The following GPSM1 variants were observed in gnomAD, a reference collection of about 807,000 sequenced individuals.
The protein encoded by GPSM1 is G protein-signaling modulator 1.
In GPSM1, 48 loss-of-function variants were observed where a neutral mutation model predicts 70.5. That is an observed-to-expected ratio of 0.68 (90% CI 0.54 to 0.87). The LOEUF is 0.87. GPSM1 is among the 40% of genes least tolerant of loss of function. GPSM1 has a pLI of 0.00. For synonymous variants in GPSM1, 416 were observed against 430.1 expected, an observed-to-expected ratio of 0.97 and a Z score of 0.41; for missense variants, 981 against 972.6, an observed-to-expected ratio of 1.01 and a Z score of -0.11.
chr9:136,356,081 G>C (rs1554773071), intron 12 of GPSM1, among the ~76,000 whole-genome samples: 2 of 152,138 alleles, frequency 1.3e-5, no homozygotes, highest in Non-Finnish European at 2.9e-5. Context: ...CAGGGAGGGG[G>C]CAGGGCGTGG....
At chr9:136,350,676 C>A (rs1430048487) in intron 11 of GPSM1, among the ~76,000 whole-genome samples, 1 of 152,218 alleles carries the variant, frequency 6.6e-6, no homozygotes, top group Non-Finnish European at 1.5e-5. Flanking sequence ...CCCCACCCTG[C>A]CCTACCCCAC....
chr9:136,329,293 T>C (rs1327794624), intron 1 of GPSM1, among the ~76,000 whole-genome samples: 1 of 141,422 alleles, frequency 7.1e-6, no homozygotes, highest in Admixed American at 7.4e-5. Flanking sequence ...TGTGACGAGG[T>C]CCCCCCGGGA....
intron 11 of GPSM1, chr9:136,354,845 C>A (rs1333603846): frequency 3.0e-6 from 3 of 1,000,422 alleles, no homozygotes; most frequent in Non-Finnish European, 3.6e-6. Context: ...CATGGCAGGG[C>A]TGACACAGGG....
At chr9:136,339,965 G>GGCCCCCCTCATCCT in intron 8 of GPSM1, 150 bp downstream of exon 8, 3 of 620,712 alleles carry the variant, frequency 4.8e-6, no homozygotes, top group Non-Finnish European at 8.7e-6. Flanking sequence ...CCGAGGCCTG[G>GGCCCCCCTCATCCT]TGATGACATG....
chr9:136,351,138 T>C (rs1832651462), intron 11 of GPSM1, among the ~76,000 whole-genome samples: 1 of 152,148 alleles, frequency 6.6e-6, no homozygotes, highest in African/African-American at 2.4e-5. Context: ...TGGGCTGGGA[T>C]TCGCAGCCCC....
chr9:136,355,568 G>A (rs532224228), intron 11 of GPSM1, 122 bp from the exon 12 acceptor site: 32 of 888,454 alleles, frequency 3.6e-5, no homozygotes, highest in Non-Finnish European at 1.7e-5. Context: ...ACAGGGGGCA[G>A]GTTAGAGTCC....
At position 136,327,756 on chromosome 9, in the gene GPSM1, T is replaced by C. The variant is rs1554768064; in HGVS notation, c.61T>C (p.Tyr21His). The change falls in exon 1 of 14, where the codon TAC becomes CAC. Residue 21 changes from tyrosine (Y) to histidine (H), a missense_variant. Transcript: ENST00000440944. ...CCCGGGCCCGGCCGCCAGGCGCCTC[T>C]ACTCCAGGTAGGACGGGCCGGGGCC... ...ELPGPAARRL[Y>H]SRMEASCLEL... 2 of 1,179,028 alleles carry C rather than the reference T, an allele frequency of 1.7e-6. No individual in the cohort carries two copies. Among genetic ancestry groups the C allele is most frequent in the South Asian group, 4.0e-5 (1 of 25,232 alleles). 73.0% of individuals were successfully genotyped at this position (1,179,028 alleles called of 1,614,324 possible). A position where few individuals can be genotyped will look rare whatever the true frequency, so the allele number is the denominator to read the frequency against.
chr9:136,333,436 G>A (rs536721976), intron 1 of GPSM1, among the ~76,000 whole-genome samples: 50 of 151,898 alleles, frequency 3.3e-4, no homozygotes, highest in African/African-American at 1.0e-3. Flanking sequence ...ACTCCTCCCC[G>A]GCAGCTGAGT....
rs962112287 is a variant in GPSM1, at chr9:136,341,882, C to T, written c.1207+889C>T. 6.0e-5 allele frequency: 37 copies of T among 621,806 alleles called. No homozygotes were observed. Among genetic ancestry groups the T allele is most frequent in the Admixed American group, 1.9e-4 (3 of 15,860 alleles). 38.5% of individuals were successfully genotyped at this position (621,806 alleles called of 1,614,324 possible). ...CCCAGGCCAGTGTCAAACTCCCAGCCTCAAGCGATCCTCCCATCTCGGCTT... is the reference window on the plus strand; with the variant it reads ...CCCAGGCCAGTGTCAAACTCCCAGCTTCAAGCGATCCTCCCATCTCGGCTT... On this transcript the variant is annotated intron_variant, in intron 9 of 13. Transcript: ENST00000440944. This position sits in a 1 kb window ranked among gnomAD's most constrained non-coding sequence, Gnocchi z 6.7.
chr9:136,338,603 G>T lies in GPSM1; in HGVS notation c.867G>T (p.Ala289=). ...SRQLRDQAVE[A]QACYSLGNTY... ...AGCTCAGGGACCAGGCAGTGGAGGC[G>T]CAGGCCTGCTACAGTCTGGGCAACA... The change falls in exon 7 of 14, where the codon GCG becomes GCT. Residue 289 remains alanine, a synonymous_variant. Coordinates refer to ENST00000440944, the MANE Select transcript of GPSM1 (RefSeq NM_001145638.3). 1.2e-6 allele frequency: 2 copies of T among 1,610,598 alleles called. No individual in the cohort carries two copies. Among genetic ancestry groups the T allele is most frequent in the South Asian group, 1.1e-5 (1 of 90,548 alleles).
At chr9:136,334,882 TG>T (rs1832195632) in intron 2 of GPSM1, among the ~76,000 whole-genome samples, 1 of 150,398 alleles carries the variant, frequency 6.6e-6, no homozygotes, top group Admixed American at 6.6e-5. Context: ...GGCGGGTGAG[TG>T]GGGGTGGCCC....
rs1554770249 is a variant in GPSM1, at chr9:136,341,180, C to T, written c.1207+187C>T. 6.5e-7 allele frequency: 1 copy of T among 1,547,248 alleles called. No homozygotes were observed. The highest frequency in any genetic ancestry group is 2.0e-5 in the Admixed American group (1 of 50,568). Reference sequence around the variant, plus strand: ...GCCTGAGGTTCACCCTGAGCCCTTCCCACCCGCATCCTGAGTGGCGCTGCA... The same window carrying T: ...GCCTGAGGTTCACCCTGAGCCCTTCTCACCCGCATCCTGAGTGGCGCTGCA... On this transcript the variant is annotated intron_variant, in intron 9 of 13. Coordinates refer to ENST00000440944, the MANE Select transcript of GPSM1 (RefSeq NM_001145638.3). This position sits in a 1 kb window ranked among gnomAD's most constrained non-coding sequence, Gnocchi z 6.7.
In GPSM1 at chr9:136,349,628, G is replaced by T. The variant is rs782485289; in HGVS notation, c.1320G>T (p.Gly440=). 6 of 1,550,008 alleles carry T rather than the reference G, an allele frequency of 3.9e-6. No homozygotes were observed. The highest frequency in any genetic ancestry group is 1.7e-4 in the Middle Eastern group (1 of 5,986). ...GCCACCATTCAGGGGACTGGCGGGG[G>T]CCCAGCAGGGACTCGCTACCCCTCC... ...GDSHHSGDWR[G]PSRDSLPLPV... is the part of the protein sequence containing the mutation. The change falls in exon 11 of 14, where the codon GGG becomes GGT. Residue 440 remains glycine, a synonymous_variant. Transcript: ENST00000440944.
intron 11 of GPSM1, chr9:136,354,970 G>T: frequency 4.7e-6 from 5 of 1,060,970 alleles, no homozygotes; most frequent in Non-Finnish European, 5.7e-6. Context: ...GGCCTGGACT[G>T]GGGTAGCACC....
chr9:136,356,773 C>G (rs782739363), intron 13 of GPSM1, among the ~76,000 whole-genome samples: 6 of 152,296 alleles, frequency 3.9e-5, no homozygotes, highest in Non-Finnish European at 7.4e-5. Flanking sequence ...ACCAGAGACC[C>G]CCCCTGGCAA....
intron 9 of GPSM1, among the ~76,000 whole-genome samples, chr9:136,345,858 G>A (rs1588700618): frequency 6.6e-6 from 1 of 152,204 alleles, no homozygotes; most frequent in African/African-American, 2.4e-5. Context: ...TCTGGGTGGG[G>A]GTGGGCAGCT....
At position 136,348,771 on chromosome 9, in the gene GPSM1, A is replaced by G; in HGVS notation, c.1278+4A>G. 6.2e-7 allele frequency: 1 copy of G among 1,607,096 alleles called. No individual in the cohort carries two copies. Among genetic ancestry groups the G allele is most frequent in the Non-Finnish European group, 8.5e-7 (1 of 1,175,224 alleles). On this transcript the variant is annotated splice_donor_region_variant and intron_variant, in intron 10 of 13. Transcript: ENST00000440944. The stretch of plus-strand genomic sequence containing the variant: ...GCTGAGACTCCCCCTGGAGCGGGTG[A>G]GCCAGGGACACGGGACCGATGTCAG...
intron 12 of GPSM1, 75 bp downstream of exon 12, chr9:136,355,921 C>G (rs1832806428): frequency 1.5e-6 from 2 of 1,304,464 alleles, no homozygotes; most frequent in African/African-American, 1.5e-5. Flanking sequence ...CGTCCTGCTT[C>G]CAGTGAGGAG....
rs1222082577 is a variant in GPSM1 at position 136,358,276 on chromosome 9, C to A, written c.*56C>A. On this transcript the variant is annotated 3_prime_UTR_variant, in exon 14 of 14. Transcript: ENST00000440944. ...CCCCCACTCCTGGACGCCGGTCTCA[C>A]AGTCACAGCCACGTCCTCCCGAGGC... 10 of 1,405,356 alleles carry A rather than the reference C, an allele frequency of 7.1e-6. No individual in the cohort carries two copies. Among genetic ancestry groups the A allele is most frequent in the Non-Finnish European group, 8.7e-6 (9 of 1,032,466 alleles). The allele number at this position is 1,405,356 out of a possible 1,614,324, so 87.1% of individuals were successfully genotyped here. A position where few individuals can be genotyped will look rare whatever the true frequency, so the allele number is the denominator to read the frequency against.
Sources: allele counts gnomAD v4.1 joint callset (sites outside exome capture counted in the v4.1 genomes callset), GRCh38; gene constraint gnomAD v4.1.1; non-coding constraint Gnocchi (gnomAD v3.1); transcripts MANE v1.5; gene names NCBI Gene and HGNC (gene_info 2026-07-23, HGNC 2026-07-21).